Variants in JAKMIP3 observed in about 807,000 individuals in gnomAD.
JAKMIP3 encodes Janus kinase and microtubule interacting protein 3.
JAKMIP3 carries 58 observed loss-of-function variants against 118.5 expected under a neutral mutation model. That is an observed-to-expected ratio of 0.49 (90% CI 0.40 to 0.61). The LOEUF is 0.61. Ranked by LOEUF, JAKMIP3 falls within the 20% of genes least tolerant of loss-of-function variation. JAKMIP3 has a pLI of 0.00. For synonymous variants in JAKMIP3, 486 were observed against 451.2 expected, an observed-to-expected ratio of 1.08 and a Z score of -0.98; for missense variants, 950 against 1,109.0, an observed-to-expected ratio of 0.86 and a Z score of 2.04.
intron 1 of JAKMIP3, among the ~76,000 whole-genome samples, chr10:132,054,525 G>T (rs1013807688): frequency 3.9e-5 from 6 of 152,166 alleles, no homozygotes; most frequent in Admixed American, 3.9e-4. Flanking sequence ...TGGTACAGGT[G>T]GGGTGTGTAT....
At position 132,118,809 on chromosome 10, in the gene JAKMIP3, C is replaced by T. The variant is rs1168770509; in HGVS notation, c.633+1235C>T. Reference sequence around the variant, plus strand: ...AGCAACCCAAGGACCCGGCCCAAACCAGCACTCATAAGAACCGGGTGCTTT... The same window carrying T: ...AGCAACCCAAGGACCCGGCCCAAACTAGCACTCATAAGAACCGGGTGCTTT... On this transcript the variant is annotated intron_variant, in intron 3 of 23. Coordinates refer to ENST00000684848, the MANE Select transcript of JAKMIP3 (RefSeq NM_001323087.2). The surrounding 1 kb of genome is among the most constrained non-coding windows in gnomAD (Gnocchi z 4.8). Among the ~76,000 whole-genome samples, 1 of 152,214 alleles carries T rather than the reference C, an allele frequency of 6.6e-6. No homozygotes were observed. Among genetic ancestry groups the T allele is most frequent in the African/African-American group, 2.4e-5 (1 of 41,444 alleles).
At chr10:132,073,128 T>C (rs1255255302) in intron 1 of JAKMIP3, among the ~76,000 whole-genome samples, 1 of 152,256 alleles carries the variant, frequency 6.6e-6, no homozygotes, top group African/African-American at 2.4e-5. Context: ...TGTGTGTGTA[T>C]GTAGAACACA....
rs1451952495 is a variant in JAKMIP3 at position 132,180,700 on chromosome 10, TGTGTGTGCGC to T, written c.*1104-1649_*1104-1640del. Among the ~76,000 whole-genome samples, 95 of 18,294 alleles carry T rather than the reference TGTGTGTGCGC, an allele frequency of 5.2e-3. 34 individuals are homozygous for T. Among genetic ancestry groups the T allele is most frequent in the Non-Finnish European group, 9.2e-3 (87 of 9,490 alleles). The allele number at this position is 18,294 out of a possible 152,430, so 12.0% of individuals were successfully genotyped here. Reference sequence around the variant, plus strand: ...GCGCGCGCGTGTGTGTGCGTGCGTGTGTGTGTGCGCGTGTGTGTGCGTGTGTGTGCGTGTG... The same window carrying T: ...GCGCGCGCGTGTGTGTGCGTGCGTGTGTGTGTGTGCGTGTGTGTGCGTGTG... On this transcript the variant is annotated intron_variant, in intron 23 of 23. Transcript: ENST00000684848.
At chr10:132,097,723 G>A (rs113565462) in intron 1 of JAKMIP3, among the ~76,000 whole-genome samples, 4,603 of 149,520 alleles carry the variant, frequency 0.031, 112 homozygotes, top group South Asian at 0.14. Flanking sequence ...ACAACTGCAT[G>A]TGGGTCTACA....
At position 132,040,481 on chromosome 10, in the gene JAKMIP3, G is replaced by C. The variant is rs140745721; in HGVS notation, c.-138+3743G>C. ...TTGCAGACTCCCCCAGCCACACACAGAGTTTGGATCATGCTATAATCATTT... is the reference window on the plus strand; with the variant it reads ...TTGCAGACTCCCCCAGCCACACACACAGTTTGGATCATGCTATAATCATTT... On this transcript the variant is annotated intron_variant, in intron 1 of 23. Coordinates refer to the JAKMIP3 transcript ENST00000657785. Among the ~76,000 whole-genome samples the C allele has an allele frequency of 3.0e-3, 455 of 152,224 alleles. 2 individuals carry two copies. Among genetic ancestry groups the C allele is most frequent in the African/African-American group, 5.9e-3 (246 of 41,522 alleles).
Position 132,179,015 on chromosome 10 carries a change from G to A in JAKMIP3, c.*1104-3342G>A, listed in dbSNP as rs906059794. The stretch of plus-strand genomic sequence containing the variant: ...CTTTTAGCGAGGTTCTGGTGCCTTC[G>A]TGCCCGTGGGGCTGGGGGCCCCGAC... On this transcript the variant is annotated intron_variant, in intron 23 of 23. Coordinates refer to ENST00000684848, the MANE Select transcript of JAKMIP3 (RefSeq NM_001323087.2). This position sits in a 1 kb window ranked among gnomAD's most constrained non-coding sequence, Gnocchi z 4.3. 3.3e-5 allele frequency among the ~76,000 whole-genome samples: 5 copies of A among 152,182 alleles called. No homozygotes were observed. The highest frequency in any genetic ancestry group is 5.9e-5 in the Non-Finnish European group (4 of 68,026).
chr10:132,054,499 G>T (rs896747361), intron 1 of JAKMIP3, among the ~76,000 whole-genome samples: 2 of 152,136 alleles, frequency 1.3e-5, no homozygotes, highest in African/African-American at 2.4e-5. Flanking sequence ...TGGCAGATAT[G>T]GGGGGAGACA....
chr10:132,153,872 T>C, intron 18 of JAKMIP3, 41 bp from the exon 19 acceptor site: 1 of 1,612,352 alleles, frequency 6.2e-7, no homozygotes, highest in Non-Finnish European at 8.5e-7. Context: ...GTGCTGCAGG[T>C]GGGACATCCG....
At chr10:132,151,748 G>A (rs2056254647) in intron 16 of JAKMIP3, among the ~76,000 whole-genome samples, 1 of 152,110 alleles carries the variant, frequency 6.6e-6, no homozygotes, top group Admixed American at 6.5e-5. Flanking sequence ...TGTCCACCAA[G>A]AGTGCCACTG....
rs1440629986 is a variant in JAKMIP3 at position 132,145,574 on chromosome 10, G to A, written c.1743G>A (p.Val581=). ...TGTACCGGAGAAATCAAGAGCTTGT[G>A]GAAAAGGTGAGCCCCGAACCCCTGG... ...QALYRRNQEL[V]EKIKQMETEE... is the part of the protein sequence containing the mutation. The change falls in exon 13 of 24, where the codon GTG becomes GTA. Residue 581 remains valine, a synonymous_variant. Transcript: ENST00000684848. 18 of 1,562,666 alleles carry A rather than the reference G, an allele frequency of 1.2e-5. No individual in the cohort carries two copies. The highest frequency in any genetic ancestry group is 1.4e-5 in the Non-Finnish European group (16 of 1,153,600).
chr10:132,090,811 A>G (rs1315579360), intron 1 of JAKMIP3, among the ~76,000 whole-genome samples: 2 of 151,970 alleles, frequency 1.3e-5, no homozygotes, highest in Admixed American at 6.6e-5. Context: ...TGGCAATTTT[A>G]GATCTTTCCT....
At chr10:132,161,889 T>C (rs2058385507) in intron 19 of JAKMIP3, among the ~76,000 whole-genome samples, 1 of 137,690 alleles carries the variant, frequency 7.3e-6, no homozygotes, top group Admixed American at 7.1e-5. Context: ...CTGTGTGATA[T>C]TGGGGGGGCC....
In JAKMIP3 at chr10:132,180,602, CGCGTGTGT is replaced by C. The variant is rs2060845453; in HGVS notation, c.*1104-1753_*1104-1746del. Among the ~76,000 whole-genome samples, 42 of 12,054 alleles carry C rather than the reference CGCGTGTGT, an allele frequency of 3.5e-3. 4 individuals carry two copies. Among genetic ancestry groups the C allele is most frequent in the South Asian group, 7.1e-3 (2 of 282 alleles). The allele number at this position is 12,054 out of a possible 152,430, so 7.9% of individuals were successfully genotyped here. A position where few individuals can be genotyped will look rare whatever the true frequency, so the allele number is the denominator to read the frequency against. On this transcript the variant is annotated intron_variant, in intron 23 of 23. Coordinates refer to ENST00000684848, the MANE Select transcript of JAKMIP3 (RefSeq NM_001323087.2). ...GTGCGTGCGCGTGTGTGTGTGCGTG[CGCGTGTGT>C]GTGTGCGTGTGTGTGCGTGTGTGCG...
intron 13 of JAKMIP3, 83 bp downstream of exon 13, chr10:132,145,663 T>C: frequency 8.4e-7 from 1 of 1,190,752 alleles, no homozygotes; most frequent in Admixed American, 2.1e-5. Context: ...GGCTGAAGGA[T>C]GGAGCGAGGG....
chr10:132,168,461 G>A lies in JAKMIP3; in HGVS notation c.*531G>A. 2 of 1,226,236 alleles carry A rather than the reference G, an allele frequency of 1.6e-6. No homozygotes were observed. Among genetic ancestry groups the A allele is most frequent in the Non-Finnish European group, 2.1e-6 (2 of 941,018 alleles). The allele number at this position is 1,226,236 out of a possible 1,614,324, so 76.0% of individuals were successfully genotyped here. A position where few individuals can be genotyped will look rare whatever the true frequency, so the allele number is the denominator to read the frequency against. On this transcript the variant is annotated 3_prime_UTR_variant, in exon 23 of 24. Coordinates refer to ENST00000684848, the MANE Select transcript of JAKMIP3 (RefSeq NM_001323087.2). ...CTGGAGGCTCCCTGGGATGGTCCTGGGAGGGCTCCCCGACGCCTCAGGGGC... is the reference window on the plus strand; with the variant it reads ...CTGGAGGCTCCCTGGGATGGTCCTGAGAGGGCTCCCCGACGCCTCAGGGGC...
chr10:132,114,611 T>C (rs1427456076), intron 2 of JAKMIP3, among the ~76,000 whole-genome samples: 1 of 152,222 alleles, frequency 6.6e-6, no homozygotes, highest in Non-Finnish European at 1.5e-5. Context: ...ATCTACATTT[T>C]AGAATCCATT....
chr10:132,163,053 G>C (rs1397756848), intron 19 of JAKMIP3, among the ~76,000 whole-genome samples, 156 bp from the exon 20 acceptor site: 1 of 152,222 alleles, frequency 6.6e-6, no homozygotes, highest in Non-Finnish European at 1.5e-5. Flanking sequence ...TGGGGCCCCT[G>C]GTCCTTCTGC....
At chr10:132,147,424 C>T (rs939588004) in intron 13 of JAKMIP3, among the ~76,000 whole-genome samples, 4 of 152,214 alleles carry the variant, frequency 2.6e-5, no homozygotes, top group Non-Finnish European at 4.4e-5. Flanking sequence ...TAACTGGTTC[C>T]GTTTAAACAG....
Position 132,183,277 on chromosome 10 carries a change from GCCT to G in JAKMIP3, c.*2032_*2034del, listed in dbSNP as rs1302199914. 1.3e-5 allele frequency: 2 copies of G among 152,198 alleles called. No individual in the cohort carries two copies. Among genetic ancestry groups the G allele is most frequent in the Non-Finnish European group, 2.9e-5 (2 of 68,038 alleles). 9.4% of individuals were successfully genotyped at this position (152,198 alleles called of 1,614,324 possible). On this transcript the variant is annotated 3_prime_UTR_variant, in exon 24 of 24. Coordinates refer to ENST00000684848, the MANE Select transcript of JAKMIP3 (RefSeq NM_001323087.2). ...CTCTACCTGGCTCCCTGCCAGCCTG[GCCT>G]CCTCCTCTGGGAGAGCTCCTGGCAT...
Sources: allele counts gnomAD v4.1 joint callset (sites outside exome capture counted in the v4.1 genomes callset), GRCh38; gene constraint gnomAD v4.1.1; non-coding constraint Gnocchi (gnomAD v3.1); transcripts MANE v1.5; gene names NCBI Gene and HGNC (gene_info 2026-07-23, HGNC 2026-07-21).